The following SLC71A2 variants were observed in gnomAD, a reference collection of about 807,000 sequenced individuals.
SLC71A2 encodes the protein hippocampus abundant transcript-like 1.
the SLC71A2 span, among the ~76,000 whole-genome samples, chr9:94,382,276 C>T: frequency 6.6e-6 from 1 of 152,154 alleles, no homozygotes; most frequent in African/African-American, 2.4e-5. Flanking sequence ...GTCCACCTGC[C>T]TCAGCCTCGC....
chr9:94,437,590 CAAAG>C, the SLC71A2 span, among the ~76,000 whole-genome samples: 3 of 152,124 alleles, frequency 2.0e-5, no homozygotes, highest in African/African-American at 7.2e-5. Context: ...ACAAAGTTGA[CAAAG>C]AATCTAGTTT....
the SLC71A2 span, among the ~76,000 whole-genome samples, chr9:94,407,177 TG>T: frequency 1.3e-5 from 2 of 151,564 alleles, no homozygotes; most frequent in Non-Finnish European, 2.9e-5. Flanking sequence ...AAGATGATTA[TG>T]TGGGTTTTTC....
At chr9:94,375,530 C>T in the SLC71A2 span, among the ~76,000 whole-genome samples, 1 of 151,974 alleles carries the variant, frequency 6.6e-6, no homozygotes, top group Non-Finnish European at 1.5e-5. Flanking sequence ...CTGGTTTCGG[C>T]AGAACAGGCC....
At chr9:94,424,727 C>CTTTTTTTTTTT in the SLC71A2 span, among the ~76,000 whole-genome samples, 14 of 91,812 alleles carry the variant, frequency 1.5e-4, no homozygotes, top group Admixed American at 3.8e-4. Context: ...TTGTTTTCTG[C>CTTTTTTTTTTT]TTTTTTTTTT....
chr9:94,418,317 TTGTC>T, the SLC71A2 span, among the ~76,000 whole-genome samples: 1 of 152,350 alleles, frequency 6.6e-6, no homozygotes, highest in South Asian at 2.1e-4. Flanking sequence ...TCATCTTAAA[TTGTC>T]TGTGTTGTCA....
the SLC71A2 span, among the ~76,000 whole-genome samples, chr9:94,455,378 A>ATTTGTTTTTTT: frequency 1.2e-5 from 1 of 85,780 alleles, no homozygotes; most frequent in East Asian, 3.2e-4. Context: ...TAATATTCTG[A>ATTTGTTTTTTT]TTTTTTTTTT....
At chr9:94,456,090 A>T in the SLC71A2 span, 1 of 338,722 alleles carries the variant, frequency 3.0e-6, no homozygotes, top group Non-Finnish European at 5.4e-6. Context: ...CTTGTAGGTT[A>T]AAAAAAAAAT....
the SLC71A2 span, among the ~76,000 whole-genome samples, chr9:94,448,514 A>G: frequency 6.6e-6 from 1 of 152,186 alleles, no homozygotes; most frequent in Non-Finnish European, 1.5e-5. Context: ...GCTTCCTCCT[A>G]AGATAAATTC....
the SLC71A2 span, among the ~76,000 whole-genome samples, chr9:94,424,727 C>CTTT: frequency 1.3e-3 from 120 of 91,778 alleles, no homozygotes; most frequent in Middle Eastern, 8.8e-3. Flanking sequence ...TTGTTTTCTG[C>CTTT]TTTTTTTTTT....
the SLC71A2 span, among the ~76,000 whole-genome samples, chr9:94,429,599 A>T: frequency 6.6e-6 from 1 of 152,190 alleles, no homozygotes; most frequent in Non-Finnish European, 1.5e-5. Flanking sequence ...TATACTAAAA[A>T]GAAGTATATC....
chr9:94,396,484 C>T, the SLC71A2 span, among the ~76,000 whole-genome samples: 1 of 152,220 alleles, frequency 6.6e-6, no homozygotes, highest in African/African-American at 2.4e-5. Context: ...CATTGCACTT[C>T]AGCCTGGGCA....
At chr9:94,384,215 C>G in the SLC71A2 span, among the ~76,000 whole-genome samples, 1 of 152,076 alleles carries the variant, frequency 6.6e-6, no homozygotes, top group Non-Finnish European at 1.5e-5. Flanking sequence ...GTTTGACTTA[C>G]TTTAGATACC....
chr9:94,448,937 C>A, the SLC71A2 span, among the ~76,000 whole-genome samples: 6 of 152,160 alleles, frequency 3.9e-5, no homozygotes, highest in East Asian at 1.2e-3. Context: ...CCGATCTTTC[C>A]CAGGCATTTC....
chr9:94,378,663 C>G, the SLC71A2 span, among the ~76,000 whole-genome samples: 1 of 152,096 alleles, frequency 6.6e-6, no homozygotes, highest in African/African-American at 2.4e-5. Flanking sequence ...CGAGGACTCA[C>G]TCATTACTGT....
chr9:94,429,270 G>A, the SLC71A2 span: 11 of 1,583,930 alleles, frequency 6.9e-6, no homozygotes, highest in African/African-American at 1.5e-4. Context: ...AAATTTTTAT[G>A]TGGTTTGTAA....
the SLC71A2 span, among the ~76,000 whole-genome samples, chr9:94,426,959 C>G: frequency 6.6e-6 from 1 of 152,192 alleles, no homozygotes; most frequent in Non-Finnish European, 1.5e-5. Flanking sequence ...CTTCAGCTTC[C>G]TCAGTAGCTA....
the SLC71A2 span, chr9:94,451,350 A>G: frequency 7.5e-6 from 4 of 530,856 alleles, no homozygotes; most frequent in Non-Finnish European, 1.3e-5. Context: ...TTAATTTGCC[A>G]CTGGTTTTAT....
the SLC71A2 span, among the ~76,000 whole-genome samples, chr9:94,426,804 G>A: frequency 6.6e-6 from 1 of 151,910 alleles, no homozygotes; most frequent in Non-Finnish European, 1.5e-5. Context: ...TACTTAAAGG[G>A]GATATTTTCC....
the SLC71A2 span, among the ~76,000 whole-genome samples, chr9:94,414,141 A>G: frequency 4.6e-5 from 7 of 152,202 alleles, no homozygotes; most frequent in African/African-American, 1.7e-4. Flanking sequence ...GTGTGTGTAC[A>G]GGAATGAGAG....
Sources: allele counts gnomAD v4.1 joint callset (sites outside exome capture counted in the v4.1 genomes callset), GRCh38; gene constraint gnomAD v4.1.1; transcripts MANE v1.5; gene names NCBI Gene and HGNC (gene_info 2026-07-23, HGNC 2026-07-21).